The following ATP8A2 variants were observed in gnomAD, a reference collection of about 807,000 sequenced individuals.
ATP8A2 encodes the protein ATPase phospholipid transporting 8A2.
ATP8A2 carries 100 observed loss-of-function variants against 165.6 expected under a neutral mutation model. The observed-to-expected ratio is 0.60, with a 90% CI of 0.51 to 0.71. The LOEUF is 0.71. Among genes scored for constraint, ATP8A2 ranks in the 30% least tolerant of loss-of-function variants. The pLI is 0.00. For synonymous variants in ATP8A2, 543 were observed against 548.8 expected, an observed-to-expected ratio of 0.99 and a Z score of 0.15; for missense variants, 1,227 against 1,479.5, an observed-to-expected ratio of 0.83 and a Z score of 2.80.
rs149602219 is a variant in ATP8A2, at chr13:25,725,246, C to G, written c.2384+25901C>G. The stretch of plus-strand genomic sequence containing the variant: ...AATCATTTTGCCTTTTACTTCCTGT[C>G]CTCTGTGAGCACGTGTCTGTACTGT... On this transcript the variant is annotated intron_variant, in intron 25 of 36. Transcript: ENST00000381655. Among the ~76,000 whole-genome samples the G allele has an allele frequency of 4.3e-3, 649 of 152,336 alleles. 4 individuals are homozygous for G. The highest frequency in any genetic ancestry group is 0.015 in the African/African-American group (622 of 41,560).
intron 1 of ATP8A2, among the ~76,000 whole-genome samples, chr13:25,388,189 AAAG>A (rs2033122730): frequency 6.6e-6 from 1 of 152,054 alleles, no homozygotes; most frequent in Non-Finnish European, 1.5e-5. Flanking sequence ...GGAAGGAGAG[AAAG>A]AAGGAGGAAG....
chr13:25,590,933 C>G (rs2040055841), intron 24 of ATP8A2, among the ~76,000 whole-genome samples: 1 of 152,068 alleles, frequency 6.6e-6, no homozygotes, highest in Admixed American at 6.5e-5. Flanking sequence ...GTGAGTGCTT[C>G]AGAATTCATC....
At chr13:25,814,231 T>G (rs1174993707) in intron 27 of ATP8A2, among the ~76,000 whole-genome samples, 1 of 152,206 alleles carries the variant, frequency 6.6e-6, no homozygotes, top group Admixed American at 6.5e-5. Flanking sequence ...TTTTATAGTT[T>G]TAATATTTAT....
chr13:25,908,698 C>A (rs1415999708), intron 33 of ATP8A2, among the ~76,000 whole-genome samples: 2 of 152,184 alleles, frequency 1.3e-5, no homozygotes, highest in Non-Finnish European at 1.5e-5. Context: ...GCAACAAGTT[C>A]CAAATAGAGA....
At chr13:25,602,005 A>AT (rs199824290) in intron 24 of ATP8A2, among the ~76,000 whole-genome samples, 7 of 151,108 alleles carry the variant, frequency 4.6e-5, no homozygotes, top group South Asian at 4.2e-4. Flanking sequence ...GAAACTTTCT[A>AT]TTTTTTTTTC....
At chr13:25,730,877 A>C (rs1231265636) in intron 25 of ATP8A2, among the ~76,000 whole-genome samples, 4 of 151,944 alleles carry the variant, frequency 2.6e-5, no homozygotes, top group Non-Finnish European at 5.9e-5. Context: ...GGAGTTGGAG[A>C]CCAGCCTGGG....
intron 36 of ATP8A2, among the ~76,000 whole-genome samples, chr13:26,015,225 T>G (rs1956941899): frequency 6.6e-6 from 1 of 152,210 alleles, no homozygotes; most frequent in African/African-American, 2.4e-5. Flanking sequence ...TACCAGAACC[T>G]GATGGATAAC....
Position 25,594,543 on chromosome 13 carries a change from A to T in ATP8A2, c.2211+4844A>T, listed in dbSNP as rs139980638. ...CCCATCACCCGAGCAGTATACACTG[A>T]ACCCGATTTGTAGCCTTTTATCCCT... On this transcript the variant is annotated intron_variant, in intron 24 of 36. Coordinates refer to ENST00000381655, the MANE Select transcript of ATP8A2 (RefSeq NM_016529.6). Among the ~76,000 whole-genome samples, 4 of 152,254 alleles carry T rather than the reference A, an allele frequency of 2.6e-5. No homozygotes were observed. In the East Asian group the frequency reaches 7.7e-4, roughly 29 times the overall value.
intron 25 of ATP8A2, among the ~76,000 whole-genome samples, chr13:25,726,782 C>T (rs1007800933): frequency 3.9e-5 from 6 of 152,146 alleles, no homozygotes; most frequent in African/African-American, 1.4e-4. Flanking sequence ...ATTCAGCCTA[C>T]TACAGTTGCC....
intron 33 of ATP8A2, among the ~76,000 whole-genome samples, chr13:25,921,844 T>C (rs1004595359): frequency 2.0e-5 from 3 of 152,228 alleles, no homozygotes; most frequent in African/African-American, 7.2e-5. Flanking sequence ...AAGTGAAAAG[T>C]ATATTGAAAT....
intron 21 of ATP8A2, 34 bp downstream of exon 21, chr13:25,578,933 T>C (rs747634784): frequency 2.2e-6 from 3 of 1,360,578 alleles, no homozygotes; most frequent in Non-Finnish European, 3.2e-6. Context: ...TTTTTGGCCA[T>C]TGGAGCTGTA....
At chr13:25,450,540 G>T (rs901730225) in intron 1 of ATP8A2, among the ~76,000 whole-genome samples, 14 of 152,134 alleles carry the variant, frequency 9.2e-5, no homozygotes, top group African/African-American at 3.4e-4. Flanking sequence ...GTGTGTGTGT[G>T]TGTGTGTGTG....
chr13:25,443,703 T>C (rs1287285653), intron 1 of ATP8A2, among the ~76,000 whole-genome samples: 1 of 152,242 alleles, frequency 6.6e-6, no homozygotes, highest in Admixed American at 6.5e-5. Flanking sequence ...CTTTATAAAA[T>C]ACTGCATAAA....
chr13:25,914,877 C>T (rs1018002018), intron 33 of ATP8A2, among the ~76,000 whole-genome samples: 8 of 152,194 alleles, frequency 5.3e-5, no homozygotes, highest in African/African-American at 1.7e-4. Flanking sequence ...TTTCACATGC[C>T]GTGCATCCCT....
intron 14 of ATP8A2, among the ~76,000 whole-genome samples, chr13:25,559,359 C>G (rs2039075208): frequency 6.6e-6 from 1 of 152,076 alleles, no homozygotes; most frequent in African/African-American, 2.4e-5. Context: ...ATGATGAAAC[C>G]TTGTCACTAC....
chr13:25,408,058 A>G (rs2033857345), intron 1 of ATP8A2, among the ~76,000 whole-genome samples: 1 of 129,200 alleles, frequency 7.7e-6, no homozygotes, highest in Non-Finnish European at 1.7e-5. Flanking sequence ...CTGCACATGT[A>G]TCCTGGAACT....
At chr13:25,431,708 A>C (rs189905737) in intron 1 of ATP8A2, among the ~76,000 whole-genome samples, 2 of 152,334 alleles carry the variant, frequency 1.3e-5, no homozygotes, top group Admixed American at 1.3e-4. Flanking sequence ...TTACCTCTTG[A>C]TTAAAATATA....
intron 7 of ATP8A2, 86 bp downstream of exon 7, chr13:25,538,147 C>A: frequency 2.2e-6 from 2 of 895,566 alleles, no homozygotes; most frequent in Admixed American, 2.0e-5. Context: ...TCTTGAGCAG[C>A]CTGTTCCCTT....
At chr13:25,520,979 A>C (rs2037653760) in intron 2 of ATP8A2, among the ~76,000 whole-genome samples, 1 of 151,982 alleles carries the variant, frequency 6.6e-6, no homozygotes, top group African/African-American at 2.4e-5. Context: ...TTACTTTCCC[A>C]CCATCAGTGT....
Sources: gnomAD v4.1 joint callset for allele counts (sites outside exome capture counted in the v4.1 genomes callset) on GRCh38, gnomAD v4.1.1 for gene constraint, MANE v1.5 for transcripts, NCBI Gene and HGNC (gene_info 2026-07-23, HGNC 2026-07-21) for gene names.